Variants in ABAT observed in about 807,000 individuals in gnomAD.
The protein encoded by ABAT is 4-aminobutyrate aminotransferase, mitochondrial.
A neutral mutation model predicts 64.6 loss-of-function variants in ABAT; 45 were observed. The ratio of observed to expected loss-of-function variants is 0.70; its 90% confidence interval spans 0.55 to 0.89. The LOEUF (loss-of-function observed/expected upper bound fraction) is 0.89, where lower values mean the gene tolerates loss of function less well. ABAT is among the 40% of genes least tolerant of loss of function. The pLI, the probability that ABAT is intolerant of heterozygous loss-of-function variation, is 0.00. For synonymous variants in ABAT, 297 were observed against 250.5 expected (o/e 1.19, Z -1.75); for missense variants, 633 against 658.4 (o/e 0.96, Z 0.42).
At chr16:8,763,371 T>C (rs1596463769) in intron 6 of ABAT, among the ~76,000 whole-genome samples, 1 of 152,180 alleles carries the variant, frequency 6.6e-6, no homozygotes, top group Admixed American at 6.5e-5. Flanking sequence ...AACTGAGTGA[T>C]CGTGAAGCAG....
intron 6 of ABAT, among the ~76,000 whole-genome samples, chr16:8,762,119 C>T (rs2059814833): frequency 6.6e-6 from 1 of 152,074 alleles, no homozygotes; most frequent in Non-Finnish European, 1.5e-5. Context: ...CCACCTCAGC[C>T]TCCTAAGTGA....
chr16:8,746,158 A>G, intron 3 of ABAT, 60 bp downstream of exon 3: 1 of 1,334,204 alleles, frequency 7.5e-7, no homozygotes, highest in Non-Finnish European at 1.1e-6. Flanking sequence ...CCTAAGAAGC[A>G]AAAGCACAGC....
chr16:8,776,551 G>C lies in ABAT; in HGVS notation c.1269+61G>C, dbSNP rs1329469538. On this transcript the variant is annotated intron_variant, in intron 14 of 15. Transcript: ENST00000268251. The surrounding 1 kb of genome is among the most constrained non-coding windows in gnomAD (Gnocchi z 4.4). The stretch of plus-strand genomic sequence containing the variant: ...ATGGCTCCCCGCAGCAGCCTCCGGG[G>C]CAACACTGGAGCTCTTCGGCATGGT... 2 of 1,500,106 alleles carry C rather than the reference G, an allele frequency of 1.3e-6. No individual in the cohort carries two copies. The highest frequency in any genetic ancestry group is 1.8e-6 in the Non-Finnish European group (2 of 1,104,424). 92.9% of individuals were successfully genotyped at this position (1,500,106 alleles called of 1,614,324 possible).
chr16:8,775,140 G>T (rs181808644), intron 13 of ABAT, 83 bp downstream of exon 13: 4 of 1,588,072 alleles, frequency 2.5e-6, no homozygotes, highest in Non-Finnish European at 8.6e-7. Flanking sequence ...TCTCACCATC[G>T]AGGAGCTGGG....
rs181445686 is a variant in ABAT, at chr16:8,699,507, G to A, written c.-42+24796G>A. On this transcript the variant is annotated intron_variant, in intron 1 of 15. Coordinates refer to ENST00000268251, the MANE Select transcript of ABAT (RefSeq NM_020686.6). ...TGGGAATCAGAGGTTGCAGTGAGCC[G>A]AGGTCGTGCCATTGCAATCCAGCCT... is the stretch of plus-strand genomic sequence containing the variant. Among the ~76,000 whole-genome samples the A allele has an allele frequency of 1.5e-4, 23 of 152,098 alleles. No homozygotes were observed. The East Asian group carries it at 3.5e-3, about 23-fold the overall frequency.
chr16:8,769,429 C>T (rs2060038064), intron 11 of ABAT, among the ~76,000 whole-genome samples: 1 of 151,822 alleles, frequency 6.6e-6, no homozygotes, highest in South Asian at 2.1e-4. Context: ...TGTGGTGGCA[C>T]ATGCCTGTAA....
At chr16:8,773,158 A>ATTTTTT (rs57095363) in intron 12 of ABAT, among the ~76,000 whole-genome samples, 3 of 126,910 alleles carry the variant, frequency 2.4e-5, no homozygotes, top group African/African-American at 9.8e-5. Flanking sequence ...ATATATATAT[A>ATTTTTT]TTTTTTTTTT....
intron 1 of ABAT, among the ~76,000 whole-genome samples, chr16:8,733,365 G>A (rs1357932211): frequency 1.3e-5 from 2 of 151,300 alleles, no homozygotes; most frequent in Non-Finnish European, 2.9e-5. Flanking sequence ...GCCAGGCCGA[G>A]GGGCTCCTCA....
intron 2 of ABAT, among the ~76,000 whole-genome samples, chr16:8,740,776 G>A (rs548265578): frequency 2.0e-4 from 30 of 152,332 alleles, no homozygotes; most frequent in African/African-American, 5.3e-4. Context: ...AATTGTTATT[G>A]CTGGGTAGAA....
chr16:8,722,079 A>G (rs2058388161), intron 1 of ABAT, among the ~76,000 whole-genome samples: 1 of 152,200 alleles, frequency 6.6e-6, no homozygotes, highest in Non-Finnish European at 1.5e-5. Flanking sequence ...AGTTCTGATC[A>G]TGTCAAGGAA....
At chr16:8,773,105 TACACACACACACACACACACAC>T (rs35248639) in intron 12 of ABAT, among the ~76,000 whole-genome samples, 188 bp downstream of exon 12, 1 of 108,966 alleles carries the variant, frequency 9.2e-6, no homozygotes, top group African/African-American at 3.3e-5. Context: ...CCTAAAACTA[TACACACACACACACACACACAC>T]ACACACACAC....
At chr16:8,744,036 T>C (rs1014204615) in intron 2 of ABAT, among the ~76,000 whole-genome samples, 3 of 152,158 alleles carry the variant, frequency 2.0e-5, no homozygotes, top group Admixed American at 1.3e-4. Context: ...GCTAAAAAGA[T>C]TGTGGGATTC....
intron 8 of ABAT, among the ~76,000 whole-genome samples, chr16:8,765,597 C>T (rs1010872736): frequency 3.3e-5 from 5 of 151,650 alleles, no homozygotes; most frequent in African/African-American, 9.7e-5. Context: ...CCTGGGAGGT[C>T]GAGGCTGCAG....
intron 1 of ABAT, chr16:8,713,934 A>T: frequency 2.2e-6 from 1 of 455,640 alleles, no homozygotes; most frequent in Non-Finnish European, 4.4e-6. Context: ...TGCCATGGGG[A>T]GGTGGTGCCA....
chr16:8,680,902 G>T (rs1429381536), intron 1 of ABAT, among the ~76,000 whole-genome samples: 2 of 151,974 alleles, frequency 1.3e-5, no homozygotes, highest in Non-Finnish European at 2.9e-5. Flanking sequence ...GCCCATTTTT[G>T]AATTGAGTTG....
At chr16:8,761,989 C>T (rs1026521915) in intron 6 of ABAT, among the ~76,000 whole-genome samples, 2 of 83,398 alleles carry the variant, frequency 2.4e-5, no homozygotes, top group Non-Finnish European at 7.3e-5. Context: ...CCTTCTCCTT[C>T]TCCTTCTCCT....
rs1300687816 is a variant in ABAT at position 8,772,871 on chromosome 16, A to G, written c.908A>G (p.His303Arg). The G allele has an allele frequency of 6.2e-7, 1 of 1,613,980 alleles. No homozygotes were observed. Among genetic ancestry groups the G allele is most frequent in the East Asian group, 2.2e-5 (1 of 44,876 alleles). Residue 303 changes from histidine (H) to arginine (R), a missense_variant, in exon 12 of 16, where the codon CAC becomes CGC. Coordinates refer to ENST00000268251, the MANE Select transcript of ABAT (RefSeq NM_020686.6). ...EPIQSEGGDN[H>R]ASDDFFRKLR... The stretch of plus-strand genomic sequence containing the variant: ...ATCCAGTCCGAGGGTGGAGACAACC[A>G]CGCATCCGATGACTTCTTTCGGAAG...
chr16:8,706,812 A>G (rs1205962540), intron 1 of ABAT, among the ~76,000 whole-genome samples: 5 of 152,252 alleles, frequency 3.3e-5, no homozygotes, highest in African/African-American at 7.2e-5. Flanking sequence ...AGACAATTGT[A>G]TATCCACAAG....
intron 1 of ABAT, among the ~76,000 whole-genome samples, chr16:8,728,007 G>A: frequency 6.6e-6 from 1 of 152,184 alleles, no homozygotes; most frequent in East Asian, 1.9e-4. Flanking sequence ...GGCGATAGAG[G>A]CTGCAGTGAG....
Sources: gnomAD v4.1 joint callset for allele counts (sites outside exome capture counted in the v4.1 genomes callset) on GRCh38, gnomAD v4.1.1 for gene constraint, Gnocchi (gnomAD v3.1) non-coding constraint, MANE v1.5 for transcripts, NCBI Gene and HGNC (gene_info 2026-07-23, HGNC 2026-07-21) for gene names.